The following PDE4D variants were observed in gnomAD, a reference collection of about 807,000 sequenced individuals.
The protein encoded by PDE4D is 3',5'-cyclic-AMP phosphodiesterase 4D.
PDE4D carries 24 observed loss-of-function variants against 87.4 expected under a neutral mutation model. The observed-to-expected ratio is 0.27, with a 90% CI of 0.20 to 0.39. The LOEUF (loss-of-function observed/expected upper bound fraction) is 0.39, where lower values mean the gene tolerates loss of function less well. Among genes scored for constraint, PDE4D ranks in the 10% least tolerant of loss-of-function variants. PDE4D has a pLI of 1.00. For synonymous variants in PDE4D, 384 were observed against 383.2 expected (o/e 1.00, Z -0.02); for missense variants, 714 against 1,041.0 (o/e 0.69, Z 4.32).
chr5:59,744,891 C>A (rs1759385462), intron 1 of PDE4D, among the ~76,000 whole-genome samples: 1 of 152,214 alleles, frequency 6.6e-6, no homozygotes. Flanking sequence ...TTTCTGAATG[C>A]CTGATTTCCT....
chr5:60,045,599 G>A (rs1215907236), intron 2 of PDE4D, among the ~76,000 whole-genome samples: 2 of 152,246 alleles, frequency 1.3e-5, no homozygotes, highest in South Asian at 4.1e-4. Flanking sequence ...AGTTTTCCCA[G>A]CACCATTTAT....
intron 1 of PDE4D, among the ~76,000 whole-genome samples, chr5:59,892,360 A>G (rs983704031): frequency 1.3e-5 from 2 of 151,934 alleles, no homozygotes; most frequent in Non-Finnish European, 2.9e-5. Flanking sequence ...TCAAATCTCT[A>G]CGTCTTGCCT....
At position 60,439,235 on chromosome 5, in the gene PDE4D, C is replaced by T. The variant is rs570711140; in HGVS notation, c.-90+48707G>A. Among the ~76,000 whole-genome samples, 142 of 152,046 alleles carry T rather than the reference C, an allele frequency of 9.3e-4. 1 individual carries two copies. The highest frequency in any genetic ancestry group is 3.4e-3 in the Middle Eastern group (1 of 292). ...ACCAATATCAAAGCTCTTATAACTG[C>T]GGAAATACATGTTTTTTACAGGATA... On this transcript the variant is annotated intron_variant, in intron 1 of 16. Coordinates refer to the PDE4D transcript ENST00000502484.
intron 1 of PDE4D, among the ~76,000 whole-genome samples, chr5:59,608,943 T>C (rs1828607348): frequency 6.6e-6 from 1 of 152,140 alleles, no homozygotes; most frequent in South Asian, 2.1e-4. Flanking sequence ...GCTATAATAC[T>C]GTGGTTAGCC....
chr5:60,181,063 G>GA (rs1784339001), intron 2 of PDE4D, among the ~76,000 whole-genome samples: 1 of 152,024 alleles, frequency 6.6e-6, no homozygotes, highest in Admixed American at 6.6e-5. Flanking sequence ...TAATTGTGAG[G>GA]AAAAATGAAT....
rs143448006 is a variant in PDE4D, at chr5:59,200,723, A to G, written c.648-7187T>C. ...TGTATAGATACACGTATACATACATATGTGTATGTATATATATACATACAC... is the reference window on the plus strand; with the variant it reads ...TGTATAGATACACGTATACATACATGTGTGTATGTATATATATACATACAC... On this transcript the variant is annotated intron_variant, in intron 2 of 14. Coordinates refer to ENST00000340635, the MANE Select transcript of PDE4D (RefSeq NM_001104631.2). Among the ~76,000 whole-genome samples the G allele has an allele frequency of 2.4e-3, 329 of 134,898 alleles. 23 individuals are homozygous for G. In the East Asian group the frequency reaches 0.033, roughly 14 times the overall value. 88.5% of individuals were successfully genotyped at this position (134,898 alleles called of 152,430 possible).
Position 60,129,574 on chromosome 5 carries a change from T to C in PDE4D, c.42+55983A>G, listed in dbSNP as rs570761189. On this transcript the variant is annotated intron_variant, in intron 2 of 16. Coordinates refer to the PDE4D transcript ENST00000502484. ...TAGGTGTGGAACCCATGTGAATGTA[T>C]AGTTTGTATATCCATGAAGCTGGGC... Among the ~76,000 whole-genome samples, 36 of 152,254 alleles carry C rather than the reference T, an allele frequency of 2.4e-4. 1 individual carries two copies. The South Asian group carries it at 7.3e-3, about 31-fold the overall frequency.
chr5:59,094,727 A>T (rs1769377312), intron 5 of PDE4D, among the ~76,000 whole-genome samples: 1 of 152,232 alleles, frequency 6.6e-6, no homozygotes, highest in South Asian at 2.1e-4. Context: ...ATAGAATCCA[A>T]TTGCAGTTAA....
rs11427068 is a variant in PDE4D, at chr5:60,465,882, GA to G, written c.-90+22059del. Among the ~76,000 whole-genome samples, 329 of 125,966 alleles carry G rather than the reference GA, an allele frequency of 2.6e-3. 1 individual carries two copies. The highest frequency in any genetic ancestry group is 3.8e-3 in the Middle Eastern group (1 of 262). The allele number at this position is 125,966 out of a possible 152,430, so 82.6% of individuals were successfully genotyped here. On this transcript the variant is annotated intron_variant, in intron 1 of 16. Coordinates refer to the PDE4D transcript ENST00000502484. ...TAATTTTAAATGCTGCAGTGAAAGT[GA>G]AAAAAAAAAAAAGAAAAGGAAGAGC...
intron 1 of PDE4D, among the ~76,000 whole-genome samples, chr5:59,296,284 T>C (rs1175289340): frequency 6.6e-6 from 1 of 152,094 alleles, no homozygotes; most frequent in Non-Finnish European, 1.5e-5. Flanking sequence ...TAAATAATAG[T>C]AACCATACAG....
chr5:60,466,760 T>C (rs1747385514), intron 1 of PDE4D, among the ~76,000 whole-genome samples: 1 of 152,042 alleles, frequency 6.6e-6, no homozygotes, highest in Non-Finnish European at 1.5e-5. Context: ...CTCAAATTTT[T>C]CAACATTTCC....
intron 1 of PDE4D, among the ~76,000 whole-genome samples, chr5:60,315,664 T>C (rs183027994): frequency 1.3e-5 from 2 of 152,336 alleles, no homozygotes; most frequent in East Asian, 3.9e-4. Context: ...AATTTTAGTA[T>C]AAGGTGCAAG....
intron 1 of PDE4D, among the ~76,000 whole-genome samples, chr5:59,476,100 T>C (rs1803255999): frequency 1.3e-5 from 2 of 152,030 alleles, no homozygotes; most frequent in Admixed American, 1.3e-4. Flanking sequence ...TATTCTCCCT[T>C]CCCTCTATTT....
At chr5:59,634,757 A>G (rs1832017618) in intron 1 of PDE4D, among the ~76,000 whole-genome samples, 1 of 152,248 alleles carries the variant, frequency 6.6e-6, no homozygotes, top group African/African-American at 2.4e-5. Context: ...GGAAATTTAT[A>G]GCACTAAATG....
intron 1 of PDE4D, among the ~76,000 whole-genome samples, chr5:59,293,664 C>G (rs1360340440): frequency 6.6e-6 from 1 of 152,120 alleles, no homozygotes; most frequent in Middle Eastern, 3.2e-3. Context: ...TGCATTTTTT[C>G]TCCATTGCGT....
intron 1 of PDE4D, among the ~76,000 whole-genome samples, chr5:59,653,053 CA>C (rs904791336): frequency 1.1e-4 from 16 of 151,334 alleles, no homozygotes; most frequent in African/African-American, 3.9e-4. Context: ...CATTTCCATC[CA>C]AAAAAAGACA....
chr5:60,172,932 T>C (rs1352738500), intron 2 of PDE4D, among the ~76,000 whole-genome samples: 2 of 152,142 alleles, frequency 1.3e-5, no homozygotes, highest in African/African-American at 2.4e-5. Flanking sequence ...CAAAGGCTAA[T>C]AGGGATCCCC....
chr5:58,988,301 A>G lies in PDE4D; in HGVS notation c.1552+192T>C, dbSNP rs185088753. Among the ~76,000 whole-genome samples the G allele has an allele frequency of 3.2e-4, 49 of 152,314 alleles. 1 individual carries two copies. The highest frequency in any genetic ancestry group is 1.4e-3 in the Admixed American group (22 of 15,300). ...AAGAGAACTGGAACACATTTTTCAA[A>G]TATCACATGCCTCAAGGGATATAAT... is the stretch of plus-strand genomic sequence containing the variant. On this transcript the variant is annotated intron_variant, in intron 11 of 14. Transcript: ENST00000340635.
At chr5:59,456,327 A>T (rs1297756891) in intron 1 of PDE4D, among the ~76,000 whole-genome samples, 3 of 152,132 alleles carry the variant, frequency 2.0e-5, no homozygotes, top group African/African-American at 7.2e-5. Context: ...ATAAGATCTG[A>T]TGGCTTTAAA....
Sources: allele counts gnomAD v4.1 joint callset (sites outside exome capture counted in the v4.1 genomes callset), GRCh38; gene constraint gnomAD v4.1.1; transcripts MANE v1.5; gene names NCBI Gene and HGNC (gene_info 2026-07-23, HGNC 2026-07-21).